Variants in DAB2IP observed in about 807,000 individuals in gnomAD.
DAB2IP encodes the protein DAB2 interacting protein, also known as disabled homolog 2-interacting protein.
In DAB2IP, 28 loss-of-function variants were observed where a neutral mutation model predicts 107.2. That is an observed-to-expected ratio of 0.26 (90% CI 0.19 to 0.36). The LOEUF (loss-of-function observed/expected upper bound fraction) is 0.36. DAB2IP is among the 10% of genes least tolerant of loss of function. The probability of loss-of-function intolerance (pLI) is 1.00; values close to 1 mark genes in which losing one functional copy is unlikely to be tolerated. For synonymous variants in DAB2IP, 755 were observed against 706.4 expected, an observed-to-expected ratio of 1.07 and a Z score of -1.09; for missense variants, 1,400 against 1,644.7, an observed-to-expected ratio of 0.85 and a Z score of 2.57.
chr9:121,665,946 C>T (rs1020730601), intron 1 of DAB2IP, among the ~76,000 whole-genome samples: 1 of 152,220 alleles, frequency 6.6e-6, no homozygotes. Context: ...TGTATTAGTG[C>T]CTGTGGCTGC....
intron 12 of DAB2IP, 104 bp downstream of exon 12, chr9:121,773,599 A>C (rs1834943432): frequency 7.9e-7 from 1 of 1,272,846 alleles, no homozygotes. Context: ...CTCCACCCTC[A>C]CCCAGCTGCC....
At chr9:121,589,867 G>C (rs1830389222) in intron 1 of DAB2IP, among the ~76,000 whole-genome samples, 1 of 151,730 alleles carries the variant, frequency 6.6e-6, no homozygotes, top group South Asian at 2.1e-4. Context: ...GTAGGCTGAG[G>C]CTTGCACTGA....
At chr9:121,625,386 G>T (rs1001352002) in intron 1 of DAB2IP, among the ~76,000 whole-genome samples, 1 of 151,924 alleles carries the variant, frequency 6.6e-6, no homozygotes, top group African/African-American at 2.4e-5. Flanking sequence ...CTACAGGTGC[G>T]CACCATCATA....
intron 1 of DAB2IP, among the ~76,000 whole-genome samples, chr9:121,640,207 G>A (rs1184532723): frequency 6.6e-6 from 1 of 152,190 alleles, no homozygotes; most frequent in Admixed American, 6.5e-5. Context: ...TAGCCCAGCA[G>A]GGGGCAGCGC....
chr9:121,616,118 A>G (rs1831266627), intron 1 of DAB2IP, among the ~76,000 whole-genome samples: 1 of 152,012 alleles, frequency 6.6e-6, no homozygotes, highest in Admixed American at 6.6e-5. Context: ...TGGGACCCCA[A>G]AATTCGACCC....
Position 121,699,270 on chromosome 9 carries a change from G to A in DAB2IP, c.229-55G>A, listed in dbSNP as rs1345737909. On this transcript the variant is annotated intron_variant, in intron 2 of 15. Transcript: ENST00000408936. This position sits in a 1 kb window ranked among gnomAD's most constrained non-coding sequence, Gnocchi z 6.2. ...GCGGGTCCCGCGCGGGTCCCGGCCC[G>A]CCGCCGCCGCGCTAACCCCGCCTCC... The A allele has an allele frequency of 3.8e-5, 46 of 1,222,284 alleles. No individual in the cohort carries two copies. The highest frequency in any genetic ancestry group is 1.9e-5 in the South Asian group (1 of 52,892). 75.7% of individuals were successfully genotyped at this position (1,222,284 alleles called of 1,614,324 possible). A position where few individuals can be genotyped will look rare whatever the true frequency, so the allele number is the denominator to read the frequency against.
Position 121,772,836 on chromosome 9 carries a change from C to T in DAB2IP, c.2308C>T (p.Leu770Phe). Residue 770 changes from leucine to phenylalanine, a missense_variant, in exon 12 of 16, where the codon CTC (leucine) becomes TTC (phenylalanine). By Grantham distance (22) the Leu-to-Phe change is conservative (BLOSUM62 0). Around this residue, in one of 3 missense-constraint regions of DAB2IP, gnomAD observed 600 missense variants for 659.1 expected, o/e 0.91. Transcript: ENST00000408936. This position sits in a 1 kb window ranked among gnomAD's most constrained non-coding sequence, Gnocchi z 4.7. ...AGGCTCCCCGGCGGGCCCCGACGTC[C>T]TCCCCACAGATGGGCAGGCCGCTGC... 2 of 1,603,872 alleles carry T rather than the reference C, an allele frequency of 1.2e-6. No individual in the cohort carries two copies. Among genetic ancestry groups the T allele is most frequent in the African/African-American group, 1.3e-5 (1 of 74,958 alleles).
chr9:121,761,659 A>G (rs1281609968), intron 6 of DAB2IP, among the ~76,000 whole-genome samples: 1 of 151,804 alleles, frequency 6.6e-6, no homozygotes, highest in Non-Finnish European at 1.5e-5. Flanking sequence ...CGCGATGGGG[A>G]GCAGTTTTCC....
chr9:121,719,958 A>G (rs1830829085), intron 3 of DAB2IP, among the ~76,000 whole-genome samples: 3 of 152,182 alleles, frequency 2.0e-5, no homozygotes, highest in African/African-American at 7.2e-5. Flanking sequence ...TATGGCCCAC[A>G]AGGTTCATTG....
At chr9:121,696,544 C>A (rs895472020) in intron 2 of DAB2IP, among the ~76,000 whole-genome samples, 1 of 152,238 alleles carries the variant, frequency 6.6e-6, no homozygotes, top group Non-Finnish European at 1.5e-5. Flanking sequence ...CTTCATCTGG[C>A]GAAGAGGGAG....
chr9:121,730,775 C>T (rs894228243), intron 3 of DAB2IP, among the ~76,000 whole-genome samples: 14 of 152,208 alleles, frequency 9.2e-5, no homozygotes, highest in Non-Finnish European at 1.9e-4. Context: ...AACCTGACTG[C>T]CTTGCTCCTC....
At chr9:121,613,275 G>T (rs921717185) in intron 1 of DAB2IP, among the ~76,000 whole-genome samples, 37 of 152,232 alleles carry the variant, frequency 2.4e-4, no homozygotes, top group African/African-American at 8.4e-4. Flanking sequence ...TTTAGCTTGG[G>T]ACCCACCTTA....
exon 16 of DAB2IP, chr9:121,785,095 C>G (rs1835920055): frequency 1.3e-5 from 2 of 152,654 alleles, no homozygotes; most frequent in Non-Finnish European, 1.5e-5. Flanking sequence ...CTTCCATGTT[C>G]TGGGTGATGG....
chr9:121,626,996 A>G (rs1173227766), intron 1 of DAB2IP, among the ~76,000 whole-genome samples: 1 of 151,762 alleles, frequency 6.6e-6, no homozygotes, highest in East Asian at 1.9e-4. Flanking sequence ...CTCCCCCACC[A>G]TCAACATCCT....
At chr9:121,640,459 C>T (rs192829691) in intron 1 of DAB2IP, among the ~76,000 whole-genome samples, 6 of 152,254 alleles carry the variant, frequency 3.9e-5, no homozygotes, top group Admixed American at 2.0e-4. Flanking sequence ...TACAGCTTCC[C>T]GGGACAGAGG....
chr9:121,697,587 T>C (rs1301967296), intron 2 of DAB2IP, among the ~76,000 whole-genome samples: 1 of 152,188 alleles, frequency 6.6e-6, no homozygotes. Flanking sequence ...TGTCTATGGG[T>C]CATGCCTCTG....
chr9:121,661,390 T>C (rs1410919032), intron 1 of DAB2IP, among the ~76,000 whole-genome samples: 5 of 152,024 alleles, frequency 3.3e-5, no homozygotes, highest in Admixed American at 3.3e-4. Flanking sequence ...CTGTTCACAA[T>C]TGTAGGTTTA....
At chr9:121,783,634 A>G in exon 16 of DAB2IP, 1 of 1,526,222 alleles carries the variant, frequency 6.6e-7, no homozygotes, top group Middle Eastern at 2.2e-4. Context: ...GCCCTGGAGG[A>G]TGTTAGACTT....
intron 3 of DAB2IP, among the ~76,000 whole-genome samples, chr9:121,724,310 A>G (rs1831103488): frequency 6.6e-6 from 1 of 151,044 alleles, no homozygotes; most frequent in Non-Finnish European, 1.5e-5. Context: ...CTGCCCCACG[A>G]GTGCTCCAGC....
Sources: allele counts gnomAD v4.1 joint callset (sites outside exome capture counted in the v4.1 genomes callset), GRCh38; gene constraint gnomAD v4.1.1; regional missense constraint gnomAD v4.1.1; non-coding constraint Gnocchi (gnomAD v3.1); transcripts MANE v1.5; gene names NCBI Gene and HGNC (gene_info 2026-07-23, HGNC 2026-07-21).